CDH2: variants seen among roughly 807,000 people sequenced by gnomAD.
The protein encoded by CDH2 is cadherin-2.
CDH2 carries 17 observed loss-of-function variants against 92.0 expected under a neutral mutation model. That is an observed-to-expected ratio of 0.18 (90% CI 0.13 to 0.28). The LOEUF (loss-of-function observed/expected upper bound fraction) is 0.28. Among genes scored for constraint, CDH2 ranks in the 10% least tolerant of loss-of-function variants. The probability of loss-of-function intolerance (pLI) is 1.00; values close to 1 mark genes in which losing one functional copy is unlikely to be tolerated. For synonymous variants in CDH2, 419 were observed against 415.9 expected (o/e 1.01, Z -0.09); for missense variants, 862 against 1,133.1 (o/e 0.76, Z 3.44).
In CDH2 at chr18:27,972,032, A is replaced by G. The variant is rs1040269552; in HGVS notation, c.2350-8511T>C. On this transcript the variant is annotated intron_variant, in intron 14 of 15. Coordinates refer to ENST00000269141, the MANE Select transcript of CDH2 (RefSeq NM_001792.5). Reference sequence around the variant, plus strand: ...GAAGTCCACAGAGATCCCCTGGCTCAAGAAGAGATTTCTTGACTCAGAAAA... The same window carrying G: ...GAAGTCCACAGAGATCCCCTGGCTCGAGAAGAGATTTCTTGACTCAGAAAA... 7.2e-5 allele frequency among the ~76,000 whole-genome samples: 11 copies of G among 152,314 alleles called. No individual in the cohort carries two copies. In the East Asian group the frequency reaches 2.1e-3, roughly 29 times the overall value.
At chr18:28,025,936 C>A (rs1391813806) in intron 2 of CDH2, among the ~76,000 whole-genome samples, 1 of 152,086 alleles carries the variant, frequency 6.6e-6, no homozygotes, top group East Asian at 1.9e-4. Flanking sequence ...CCCAAGGGCA[C>A]ATGAATTCTA....
chr18:28,156,639 C>CAGCATGTCACCTTCCCAGGTAT (rs2016221322), intron 1 of CDH2, among the ~76,000 whole-genome samples: 1 of 39,790 alleles, frequency 2.5e-5, no homozygotes, highest in Non-Finnish European at 4.5e-5. Context: ...TTCCCAGGTG[C>CAGCATGTCACCTTCCCAGGTAT]AGCATGTCAC....
chr18:28,053,680 G>A (rs1248664995), intron 2 of CDH2, among the ~76,000 whole-genome samples: 1 of 152,164 alleles, frequency 6.6e-6, no homozygotes, highest in East Asian at 1.9e-4. Context: ...AGTTCGTTCT[G>A]GTTCTGAGGG....
chr18:28,045,138 T>G (rs2144115132), intron 2 of CDH2, among the ~76,000 whole-genome samples: 1 of 152,290 alleles, frequency 6.6e-6, no homozygotes, highest in Non-Finnish European at 1.5e-5. Context: ...TATGATAATC[T>G]TATAGTTCTT....
chr18:28,077,428 T>A (rs1028589808), intron 2 of CDH2, among the ~76,000 whole-genome samples: 3 of 152,148 alleles, frequency 2.0e-5, no homozygotes, highest in African/African-American at 7.2e-5. Flanking sequence ...AAATAATCAG[T>A]GCAAGAACAT....
At chr18:28,127,101 T>C (rs1397642053) in intron 2 of CDH2, among the ~76,000 whole-genome samples, 3 of 152,272 alleles carry the variant, frequency 2.0e-5, no homozygotes, top group Admixed American at 1.3e-4. Flanking sequence ...TGCTACCTGC[T>C]GTGTATAAAG....
intron 2 of CDH2, among the ~76,000 whole-genome samples, chr18:28,044,895 A>G (rs2014042748): frequency 6.6e-6 from 1 of 151,200 alleles, no homozygotes. Context: ...AGGTCCTGGC[A>G]CATAGAATGT....
intron 2 of CDH2, among the ~76,000 whole-genome samples, chr18:28,101,453 A>G (rs1460544154): frequency 1.3e-5 from 2 of 152,134 alleles, no homozygotes; most frequent in Non-Finnish European, 2.9e-5. Context: ...AGTCATCTGC[A>G]CCTGTATTCA....
At chr18:27,944,621 G>T (rs554395495) in intron 6 of CDH2, among the ~76,000 whole-genome samples, 1 of 151,902 alleles carries the variant, frequency 6.6e-6, no homozygotes, top group African/African-American at 2.4e-5. Flanking sequence ...CCAAGAGTGG[G>T]CACTTAAAAT....
intron 2 of CDH2, among the ~76,000 whole-genome samples, chr18:28,123,448 T>G (rs2015624820): frequency 6.6e-6 from 1 of 152,188 alleles, no homozygotes; most frequent in African/African-American, 2.4e-5. Flanking sequence ...TGAAGCATTA[T>G]TTTGCTAATA....
chr18:27,993,690 A>C, intron 7 of CDH2, 53 bp from the exon 8 acceptor site: 2 of 1,380,108 alleles, frequency 1.4e-6, no homozygotes, highest in Non-Finnish European at 2.0e-6. Flanking sequence ...TCAAGAAGAC[A>C]TAACAGTTGT....
At chr18:28,171,012 T>G (rs79940694) in intron 1 of CDH2, among the ~76,000 whole-genome samples, 4,588 of 151,802 alleles carry the variant, frequency 0.03, 243 homozygotes, top group African/African-American at 0.11. Context: ...GCGGATTCCC[T>G]GAAGTCAGGA....
At chr18:28,043,939 C>T (rs2014017368) in intron 2 of CDH2, among the ~76,000 whole-genome samples, 1 of 116,834 alleles carries the variant, frequency 8.6e-6, no homozygotes, top group Non-Finnish European at 1.7e-5. Context: ...CAGAGTACTT[C>T]TCTTGCTCTG....
intron 2 of CDH2, among the ~76,000 whole-genome samples, chr18:28,033,760 T>C (rs1195739377): frequency 2.6e-5 from 4 of 152,112 alleles, no homozygotes; most frequent in Admixed American, 2.6e-4. Flanking sequence ...ATTCATTCTA[T>C]TACAGTCATG....
chr18:28,167,180 C>A (rs2016398049), intron 1 of CDH2, among the ~76,000 whole-genome samples: 3 of 152,008 alleles, frequency 2.0e-5, no homozygotes, highest in East Asian at 1.9e-4. Context: ...ATATTTAGTT[C>A]TTTGTCTCCA....
chr18:28,021,920 T>C (rs694106), intron 2 of CDH2, among the ~76,000 whole-genome samples: 1,554 of 152,148 alleles, frequency 0.01, 29 homozygotes, highest in African/African-American at 0.036. Context: ...ATTGAGAAAA[T>C]AGAAATAGTT....
rs370914355 is a variant in CDH2, at chr18:27,996,644, T to C, written c.1021-3007A>G. Among the ~76,000 whole-genome samples the C allele has an allele frequency of 2.2e-4, 34 of 152,142 alleles. No homozygotes were observed. In the East Asian group the frequency reaches 4.8e-3, roughly 22 times the overall value. ...GTCTGTATCTGCCTCACTGTGCATG[T>C]GTGTGCATACAGAGACACAGACACA... On this transcript the variant is annotated intron_variant, in intron 7 of 15. Coordinates refer to ENST00000269141, the MANE Select transcript of CDH2 (RefSeq NM_001792.5).
rs761349693 is a variant in CDH2 at position 28,062,503 on chromosome 18, A to G, written c.173-48594T>C. On this transcript the variant is annotated intron_variant, in intron 2 of 15. Transcript: ENST00000269141. ...TTCCAAGTGTTTTTAAAACAATAAAACTATTTTTATAACAGCCCTTATTCT... is the reference window on the plus strand; with the variant it reads ...TTCCAAGTGTTTTTAAAACAATAAAGCTATTTTTATAACAGCCCTTATTCT... Among the ~76,000 whole-genome samples the G allele has an allele frequency of 3.7e-4, 56 of 152,216 alleles. 2 individuals carry two copies. The highest frequency in any genetic ancestry group is 1.2e-4 in the Non-Finnish European group (8 of 68,028).
At chr18:28,134,135 C>CAAAAAAAA (rs34083301) in intron 2 of CDH2, among the ~76,000 whole-genome samples, 4 of 91,606 alleles carry the variant, frequency 4.4e-5, no homozygotes, top group African/African-American at 4.3e-5. Flanking sequence ...ACTAAATTTA[C>CAAAAAAAA]AAAAAAAAAA....
Sources: allele counts gnomAD v4.1 joint callset (sites outside exome capture counted in the v4.1 genomes callset), GRCh38; gene constraint gnomAD v4.1.1; transcripts MANE v1.5; gene names NCBI Gene and HGNC (gene_info 2026-07-23, HGNC 2026-07-21).